Variants in WWOX observed in about 807,000 individuals in gnomAD.
WWOX encodes the protein WW domain-containing oxidoreductase.
Under a neutral mutation model 46.2 loss-of-function variants are expected in WWOX, and 69 were observed. That is an observed-to-expected ratio of 1.49 (90% CI 1.23 to 1.82). The LOEUF is 1.82. Among genes scored for constraint, WWOX ranks in the 40% most tolerant of loss-of-function variants. WWOX has a pLI of 0.00. For synonymous variants in WWOX, 359 were observed against 202.6 expected, an observed-to-expected ratio of 1.77 and a Z score of -6.56; for missense variants, 919 against 542.6, an observed-to-expected ratio of 1.69 and a Z score of -6.89.
chr16:78,894,710 T>C (rs367704846), intron 8 of WWOX, among the ~76,000 whole-genome samples: 40 of 152,160 alleles, frequency 2.6e-4, no homozygotes, highest in South Asian at 1.0e-3. Context: ...GAGAATAGCA[T>C]GGAAGGCCAC....
chr16:78,106,011 A>G (rs953488029), intron 1 of WWOX, among the ~76,000 whole-genome samples: 1 of 152,122 alleles, frequency 6.6e-6, no homozygotes, highest in Non-Finnish European at 1.5e-5. Context: ...CATGTTGCCT[A>G]GGCTGGTCTC....
intron 8 of WWOX, among the ~76,000 whole-genome samples, chr16:79,067,979 C>T (rs2048473446): frequency 6.6e-6 from 1 of 152,174 alleles, no homozygotes; most frequent in Admixed American, 6.5e-5. Flanking sequence ...GAGAAAAAAG[C>T]CTGCACAAAA....
At chr16:78,645,835 G>A (rs948661906) in intron 8 of WWOX, among the ~76,000 whole-genome samples, 1 of 152,138 alleles carries the variant, frequency 6.6e-6, no homozygotes, top group African/African-American at 2.4e-5. Context: ...GGTGTTGGCA[G>A]GGCTGGGCTC....
chr16:78,934,433 C>T (rs1474847302), intron 8 of WWOX, among the ~76,000 whole-genome samples: 1 of 144,762 alleles, frequency 6.9e-6, no homozygotes, highest in Non-Finnish European at 1.5e-5. Context: ...CACTTGAGTC[C>T]AGGAGGTCAA....
chr16:78,869,642 T>G (rs767117004), intron 8 of WWOX, among the ~76,000 whole-genome samples: 35 of 152,198 alleles, frequency 2.3e-4, no homozygotes, highest in Non-Finnish European at 4.8e-4. Context: ...TTACTGATTC[T>G]GCGGTATTTT....
chr16:78,432,415 T>C, intron 7 of WWOX, 73 bp from the exon 8 acceptor site: 2 of 1,588,836 alleles, frequency 1.3e-6, no homozygotes, highest in Non-Finnish European at 1.7e-6. Flanking sequence ...ATTCCTTAGA[T>C]TTCCAATAAA....
chr16:78,545,268 G>A (rs1178470043), intron 8 of WWOX, among the ~76,000 whole-genome samples: 1 of 152,120 alleles, frequency 6.6e-6, no homozygotes, highest in African/African-American at 2.4e-5. Context: ...CCCAACTCAG[G>A]GATGTTGTAT....
At chr16:78,454,399 G>C (rs2083765503) in intron 8 of WWOX, among the ~76,000 whole-genome samples, 1 of 151,544 alleles carries the variant, frequency 6.6e-6, no homozygotes, top group Admixed American at 6.6e-5. Flanking sequence ...GCATGTGTGT[G>C]TATTTGTCTG....
intron 5 of WWOX, among the ~76,000 whole-genome samples, chr16:78,184,945 T>C (rs536808003): frequency 6.6e-6 from 1 of 152,352 alleles, no homozygotes; most frequent in South Asian, 2.1e-4. Flanking sequence ...ATTTTCATCA[T>C]GAGTTGCTTG....
chr16:78,176,178 A>T (rs752226334), intron 5 of WWOX, among the ~76,000 whole-genome samples: 1 of 152,306 alleles, frequency 6.6e-6, no homozygotes, highest in South Asian at 2.1e-4. Context: ...CACTGGCTGC[A>T]TTCTCATCAG....
chr16:78,983,391 G>A lies in WWOX; in HGVS notation c.1057-228217G>A, dbSNP rs977901309. Among the ~76,000 whole-genome samples, 3 of 152,144 alleles carry A rather than the reference G, an allele frequency of 2.0e-5. No homozygotes were observed. In the East Asian group the frequency reaches 5.8e-4, roughly 29 times the overall value. ...TTGAGCATTGCATTCTCCTTGGATA[G>A]GATGGATATTTTCCTGGGAAGGATG... On this transcript the variant is annotated intron_variant, in intron 8 of 8. Transcript: ENST00000566780.
intron 8 of WWOX, among the ~76,000 whole-genome samples, chr16:78,518,160 GT>G (rs1348193960): frequency 6.6e-6 from 1 of 152,130 alleles, no homozygotes; most frequent in Non-Finnish European, 1.5e-5. Flanking sequence ...GTCTATCACT[GT>G]GCTTTTTAAG....
Position 78,186,590 on chromosome 16 carries a change from C to A in WWOX, c.516+22301C>A, listed in dbSNP as rs556658599. Among the ~76,000 whole-genome samples, 239 of 152,228 alleles carry A rather than the reference C, an allele frequency of 1.6e-3. 1 individual carries two copies. The highest frequency in any genetic ancestry group is 5.5e-3 in the African/African-American group (229 of 41,526). Reference sequence around the variant, plus strand: ...ACCAGCCTGGCCAATATGGCGAAACCCTGTCTCTACTCAAAATACAAAAAG... The same window carrying A: ...ACCAGCCTGGCCAATATGGCGAAACACTGTCTCTACTCAAAATACAAAAAG... On this transcript the variant is annotated intron_variant, in intron 5 of 8. Coordinates refer to ENST00000566780, the MANE Select transcript of WWOX (RefSeq NM_016373.4).
chr16:78,555,494 A>G (rs2044272065), intron 8 of WWOX, among the ~76,000 whole-genome samples: 1 of 151,898 alleles, frequency 6.6e-6, no homozygotes, highest in African/African-American at 2.4e-5. Context: ...TAATGGGGAC[A>G]GTAGCAACAT....
intron 5 of WWOX, among the ~76,000 whole-genome samples, chr16:78,301,712 A>C (rs1475561357): frequency 6.6e-6 from 1 of 152,166 alleles, no homozygotes; most frequent in Non-Finnish European, 1.5e-5. Context: ...TCTAAGAAAG[A>C]CTGAGAATTG....
At chr16:78,625,624 G>C (rs1422760768) in intron 8 of WWOX, among the ~76,000 whole-genome samples, 1 of 151,708 alleles carries the variant, frequency 6.6e-6, no homozygotes, top group Non-Finnish European at 1.5e-5. Context: ...TGAAATATTA[G>C]GTTGTGCAAA....
intron 6 of WWOX, among the ~76,000 whole-genome samples, chr16:78,411,570 C>A (rs2082681208): frequency 6.6e-6 from 1 of 152,066 alleles, no homozygotes; most frequent in South Asian, 2.1e-4. Context: ...CTCAGAAGGA[C>A]CTGAATGTCA....
rs183333500 is a variant in WWOX at position 78,274,690 on chromosome 16, C to T, written c.516+110401C>T. 2.6e-4 allele frequency among the ~76,000 whole-genome samples: 39 copies of T among 152,306 alleles called. 1 individual carries two copies. The highest frequency in any genetic ancestry group is 5.0e-4 in the Non-Finnish European group (34 of 68,020). ...TCTTCTGCATTGGCTTCAGGCTTCA[C>T]ATCCTTCCTGGACATGTTCAATGCT... On this transcript the variant is annotated intron_variant, in intron 5 of 8. Coordinates refer to ENST00000566780, the MANE Select transcript of WWOX (RefSeq NM_016373.4).
chr16:79,057,533 G>T (rs2048285451), intron 8 of WWOX, among the ~76,000 whole-genome samples: 2 of 152,116 alleles, frequency 1.3e-5, no homozygotes, highest in Admixed American at 1.3e-4. Context: ...GCCGCACTTG[G>T]AGATTTGATC....
Sources: allele counts gnomAD v4.1 joint callset (sites outside exome capture counted in the v4.1 genomes callset), GRCh38; gene constraint gnomAD v4.1.1; transcripts MANE v1.5; gene names NCBI Gene and HGNC (gene_info 2026-07-23, HGNC 2026-07-21).